KGD4: variants seen among roughly 807,000 people sequenced by gnomAD.
KGD4 encodes alpha-ketoglutarate dehydrogenase subunit 4, also known as alpha-ketoglutarate dehydrogenase component 4.
At chr5:69,221,153 T>C in the KGD4 span, among the ~76,000 whole-genome samples, 1 of 144,290 alleles carries the variant, frequency 6.9e-6, no homozygotes, top group African/African-American at 2.6e-5. Context: ...CACATCCCCC[T>C]CTCCGAGAAA....
the KGD4 span, chr5:69,228,375 G>A: frequency 4.4e-6 from 7 of 1,596,866 alleles, no homozygotes; most frequent in Admixed American, 5.4e-5. Context: ...AAGAAGAAAT[G>A]GAATTTATCC....
At chr5:69,225,662 C>T in the KGD4 span, among the ~76,000 whole-genome samples, 7 of 151,532 alleles carry the variant, frequency 4.6e-5, no homozygotes, top group South Asian at 1.3e-3. Flanking sequence ...CCTCTGCCTC[C>T]GGAGTCCCGG....
the KGD4 span, among the ~76,000 whole-genome samples, chr5:69,226,741 C>T: frequency 1.3e-4 from 19 of 151,680 alleles, 1 homozygote; most frequent in Admixed American, 6.6e-5. Context: ...CCCAGCTACT[C>T]GGGAGGCTGA....
the KGD4 span, among the ~76,000 whole-genome samples, chr5:69,225,966 C>G: frequency 1.3e-5 from 2 of 152,154 alleles, no homozygotes; most frequent in Non-Finnish European, 2.9e-5. Context: ...CCTGCACTCA[C>G]GCAATCTGCC....
At chr5:69,219,676 G>A in the KGD4 span, among the ~76,000 whole-genome samples, 30 of 151,978 alleles carry the variant, frequency 2.0e-4, no homozygotes, top group Non-Finnish European at 3.7e-4. Flanking sequence ...AATCAGGTTC[G>A]TGATTGCGCT....
chr5:69,219,729 A>C, the KGD4 span, among the ~76,000 whole-genome samples: 1 of 152,162 alleles, frequency 6.6e-6, no homozygotes, highest in Non-Finnish European at 1.5e-5. Flanking sequence ...CCAATATGCT[A>C]ATATAATATC....
chr5:69,223,074 C>CTTTTTTTTTTTTT, the KGD4 span, among the ~76,000 whole-genome samples: 1 of 59,128 alleles, frequency 1.7e-5, no homozygotes, highest in Non-Finnish European at 2.8e-5. Context: ...CGGTGCGCAG[C>CTTTTTTTTTTTTT]TTTTTTTTTT....
the KGD4 span, among the ~76,000 whole-genome samples, chr5:69,218,616 C>A: frequency 6.6e-6 from 1 of 152,120 alleles, no homozygotes; most frequent in African/African-American, 2.4e-5. Flanking sequence ...GTTTCTTCAG[C>A]TGTGGTTCTA....
chr5:69,218,172 G>C, the KGD4 span: 1 of 450,276 alleles, frequency 2.2e-6, no homozygotes, highest in Non-Finnish European at 4.0e-6. Flanking sequence ...GTTAGTCTTA[G>C]GCGTGTGCGG....
At chr5:69,221,404 C>T in the KGD4 span, among the ~76,000 whole-genome samples, 1 of 152,106 alleles carries the variant, frequency 6.6e-6, no homozygotes, top group South Asian at 2.1e-4. Flanking sequence ...TTCAGACTGG[C>T]TAACAAATGA....
At chr5:69,219,388 G>C in the KGD4 span, among the ~76,000 whole-genome samples, 1 of 152,212 alleles carries the variant, frequency 6.6e-6, no homozygotes, top group South Asian at 2.1e-4. Context: ...AGGGGTTCCA[G>C]CCTGGCAGCA....
the KGD4 span, chr5:69,229,502 C>A: frequency 1.0e-5 from 3 of 289,606 alleles, no homozygotes; most frequent in African/African-American, 6.6e-5. Flanking sequence ...CAAACATTAC[C>A]AGTGTTGAAC....
the KGD4 span, among the ~76,000 whole-genome samples, chr5:69,225,005 T>C: frequency 1.4e-5 from 2 of 140,104 alleles, no homozygotes; most frequent in Non-Finnish European, 3.1e-5. Flanking sequence ...ACACAGGAGG[T>C]GGAGGTTCCA....
the KGD4 span, among the ~76,000 whole-genome samples, chr5:69,218,470 A>G: frequency 1.3e-4 from 19 of 148,522 alleles, no homozygotes; most frequent in African/African-American, 4.0e-4. Context: ...GTGTATATTA[A>G]TGTGTGTGTG....
the KGD4 span, among the ~76,000 whole-genome samples, chr5:69,225,893 G>C: frequency 1.3e-5 from 2 of 151,884 alleles, no homozygotes; most frequent in African/African-American, 4.8e-5. Flanking sequence ...TTTTCTTTTT[G>C]TTTTTGTTTT....
chr5:69,225,567 C>CTTTT, the KGD4 span, among the ~76,000 whole-genome samples: 2 of 120,268 alleles, frequency 1.7e-5, no homozygotes, highest in Non-Finnish European at 1.7e-5. Flanking sequence ...GCTCAGCCAC[C>CTTTT]TTTTTTTTTT....
chr5:69,221,473 A>G, the KGD4 span, among the ~76,000 whole-genome samples: 1 of 152,216 alleles, frequency 6.6e-6, no homozygotes, highest in Admixed American at 6.5e-5. Context: ...TGGAAAGGTA[A>G]AAATAAAGAG....
chr5:69,222,310 CAGA>C, the KGD4 span, among the ~76,000 whole-genome samples: 1 of 152,008 alleles, frequency 6.6e-6, no homozygotes, highest in Non-Finnish European at 1.5e-5. Flanking sequence ...GATAAGCAGT[CAGA>C]AGGATAGGCA....
the KGD4 span, among the ~76,000 whole-genome samples, chr5:69,219,008 G>T: frequency 1.3e-5 from 2 of 152,174 alleles, no homozygotes; most frequent in African/African-American, 4.8e-5. Context: ...AAGACTTGGC[G>T]TGTTGCACAA....
Sources: allele counts gnomAD v4.1 joint callset (sites outside exome capture counted in the v4.1 genomes callset), GRCh38; gene constraint gnomAD v4.1.1; transcripts MANE v1.5; gene names NCBI Gene and HGNC (gene_info 2026-07-23, HGNC 2026-07-21).